RIMS1: variants seen among roughly 807,000 people sequenced by gnomAD.
The protein encoded by RIMS1 is regulating synaptic membrane exocytosis protein 1.
A neutral mutation model predicts 214.1 loss-of-function variants in RIMS1; 83 were observed. The observed-to-expected ratio is 0.39, with a 90% CI of 0.32 to 0.47. The LOEUF is 0.47. Ranked by LOEUF, RIMS1 falls within the 20% of genes least tolerant of loss-of-function variation. The pLI is 0.99. For synonymous variants in RIMS1, 793 were observed against 786.8 expected, an observed-to-expected ratio of 1.01 and a Z score of -0.13; for missense variants, 2,050 against 2,161.8, an observed-to-expected ratio of 0.95 and a Z score of 1.03.
chr6:72,196,598 T>TTTTTTTTTTTTTTTTTTTTTTC (rs2051007965), intron 6 of RIMS1, among the ~76,000 whole-genome samples: 1 of 136,140 alleles, frequency 7.3e-6, no homozygotes. Context: ...TTTTTTTTTT[T>TTTTTTTTTTTTTTTTTTTTTTC]TTTTTACCTA....
intron 31 of RIMS1, among the ~76,000 whole-genome samples, chr6:72,394,241 G>A (rs2098747596): frequency 6.6e-6 from 1 of 152,070 alleles, no homozygotes; most frequent in Non-Finnish European, 1.5e-5. Context: ...ACAACCAGGA[G>A]AAACTAAGAT....
intron 29 of RIMS1, among the ~76,000 whole-genome samples, chr6:72,342,437 C>A (rs889780619): frequency 6.6e-6 from 1 of 151,798 alleles, no homozygotes; most frequent in African/African-American, 2.4e-5. Context: ...AATCTGTTCA[C>A]ATGCATGGTG....
chr6:72,056,807 T>C (rs59766425), intron 2 of RIMS1, among the ~76,000 whole-genome samples: 1,860 of 152,244 alleles, frequency 0.012, 44 homozygotes, highest in African/African-American at 0.042. Flanking sequence ...ATAAGAAAAT[T>C]AAGGTTAAAT....
intron 1 of RIMS1, among the ~76,000 whole-genome samples, chr6:71,928,214 G>A (rs1782085247): frequency 6.6e-6 from 1 of 151,964 alleles, no homozygotes; most frequent in African/African-American, 2.4e-5. Context: ...ACACATATAG[G>A]TACAACAGAT....
At chr6:72,007,977 A>G (rs1484199565) in intron 2 of RIMS1, among the ~76,000 whole-genome samples, 1 of 152,202 alleles carries the variant, frequency 6.6e-6, no homozygotes, top group Non-Finnish European at 1.5e-5. Context: ...AGAGAACTCC[A>G]CAAAGATACT....
Position 72,252,804 on chromosome 6 carries a change from T to G in RIMS1, c.2742T>G (p.Val914=), listed in dbSNP as rs1293652757. Reference sequence around the variant, plus strand: ...ATAGTGACATCTCAGATTATGAGGTTGATGATGGTATTGGCGTAGTTCCTC... The same window carrying G: ...ATAGTGACATCTCAGATTATGAGGTGGATGATGGTATTGGCGTAGTTCCTC... ...ISDSDISDYE[V]DDGIGVVPPV... is the part of the protein sequence containing the mutation. Residue 914 remains valine (V), a synonymous_variant, in exon 16 of 34, where the codon GTT becomes GTG. Transcript: ENST00000521978. The G allele has an allele frequency of 2.6e-6, 4 of 1,558,456 alleles. No homozygotes were observed. The highest frequency in any genetic ancestry group is 3.5e-6 in the Non-Finnish European group (4 of 1,150,080).
chr6:71,969,967 T>G (rs910941412), intron 2 of RIMS1, among the ~76,000 whole-genome samples: 3 of 152,234 alleles, frequency 2.0e-5, no homozygotes, highest in Non-Finnish European at 2.9e-5. Context: ...ATTTCTTCTC[T>G]ACTCCCTGCT....
At chr6:72,087,780 A>G (rs985765480) in intron 2 of RIMS1, among the ~76,000 whole-genome samples, 2 of 152,228 alleles carry the variant, frequency 1.3e-5, no homozygotes, top group African/African-American at 4.8e-5. Context: ...AAATCTTCAA[A>G]TAAATACTTT....
Position 72,258,297 on chromosome 6 carries a change from G to C in RIMS1, c.2927+16G>C. ...CATTACAGAGGTAGGCTTTGAAATG[G>C]GCTCAGTGTCCCTGACAGTACATTT... On this transcript the variant is annotated intron_variant, in intron 17 of 33. Coordinates refer to ENST00000521978, the MANE Select transcript of RIMS1 (RefSeq NM_014989.7). 1.2e-6 allele frequency: 2 copies of C among 1,610,860 alleles called. No individual in the cohort carries two copies. Among genetic ancestry groups the C allele is most frequent in the Non-Finnish European group, 1.7e-6 (2 of 1,177,830 alleles).
chr6:72,259,493 A>G (rs576432245), intron 18 of RIMS1, among the ~76,000 whole-genome samples: 19 of 152,220 alleles, frequency 1.2e-4, no homozygotes, highest in African/African-American at 4.6e-4. Flanking sequence ...TATTTATATA[A>G]TTTAAAACAT....
At position 72,290,865 on chromosome 6, in the gene RIMS1, G is replaced by T. The variant is rs1470043085; in HGVS notation, c.3737+4G>T. On this transcript the variant is annotated splice_donor_region_variant and intron_variant, in intron 25 of 33. Transcript: ENST00000521978. ...CACCTTCTCCGCTTCTGACAAGGTC[G>T]CTATTCAGTGTCCCCCTCAGCATTC... 12 of 1,611,252 alleles carry T rather than the reference G, an allele frequency of 7.4e-6. No homozygotes were observed. The Admixed American group carries it at 2.0e-4, about 27-fold the overall frequency.
At chr6:72,135,016 T>C (rs918238263) in intron 4 of RIMS1, among the ~76,000 whole-genome samples, 15 of 152,092 alleles carry the variant, frequency 9.9e-5, no homozygotes, top group African/African-American at 1.2e-4. Flanking sequence ...TAAATGATAA[T>C]AATAAATATA....
chr6:72,001,051 G>T (rs1156842857), intron 2 of RIMS1, among the ~76,000 whole-genome samples: 1 of 151,914 alleles, frequency 6.6e-6, no homozygotes, highest in East Asian at 1.9e-4. Context: ...CATATTCTCT[G>T]CTTCTAGTCA....
intron 2 of RIMS1, among the ~76,000 whole-genome samples, chr6:72,080,328 A>G (rs1833048482): frequency 6.6e-6 from 1 of 152,126 alleles, no homozygotes; most frequent in African/African-American, 2.4e-5. Context: ...GCCTACCTGC[A>G]CAGACTCTGG....
intron 2 of RIMS1, among the ~76,000 whole-genome samples, chr6:72,024,181 T>C (rs1230200921): frequency 6.6e-6 from 1 of 152,142 alleles, no homozygotes; most frequent in African/African-American, 2.4e-5. Flanking sequence ...TGCCTACTGG[T>C]TTTTTATTTT....
intron 1 of RIMS1, among the ~76,000 whole-genome samples, chr6:71,954,871 C>CCACACACACA (rs113212281): frequency 2.8e-4 from 42 of 147,414 alleles, no homozygotes; most frequent in African/African-American, 9.4e-4. Flanking sequence ...CACACACACT[C>CCACACACACA]CACACACACA....
At chr6:72,040,694 A>C (rs1217005739) in intron 2 of RIMS1, among the ~76,000 whole-genome samples, 1 of 151,940 alleles carries the variant, frequency 6.6e-6, no homozygotes, top group South Asian at 2.1e-4. Context: ...ATACACTAGC[A>C]CCTAATGACT....
At chr6:72,060,545 T>C (rs1358630038) in intron 2 of RIMS1, among the ~76,000 whole-genome samples, 1 of 152,196 alleles carries the variant, frequency 6.6e-6, no homozygotes, top group East Asian at 1.9e-4. Context: ...TCTGATTAAG[T>C]AGGGCTACTT....
chr6:72,386,266 C>A (rs914561291), intron 29 of RIMS1, among the ~76,000 whole-genome samples: 5 of 152,110 alleles, frequency 3.3e-5, no homozygotes, highest in African/African-American at 9.7e-5. Context: ...TTTCATTTGT[C>A]ACCAAATATG....
Sources: allele counts gnomAD v4.1 joint callset (sites outside exome capture counted in the v4.1 genomes callset), GRCh38; gene constraint gnomAD v4.1.1; transcripts MANE v1.5; gene names NCBI Gene and HGNC (gene_info 2026-07-23, HGNC 2026-07-21).